The following CDH8 variants were observed in gnomAD, a reference collection of about 807,000 sequenced individuals.
The protein encoded by CDH8 is cadherin-8.
CDH8 carries 17 observed loss-of-function variants against 68.1 expected under a neutral mutation model. The ratio of observed to expected loss-of-function variants is 0.25; its 90% CI spans 0.17 to 0.37. The LOEUF (loss-of-function observed/expected upper bound fraction) is 0.37. Ranked by LOEUF, CDH8 falls within the 10% of genes least tolerant of loss-of-function variation. CDH8 has a pLI of 1.00. For synonymous variants in CDH8, 372 were observed against 365.1 expected (o/e 1.02, Z -0.21); for missense variants, 763 against 999.3 (o/e 0.76, Z 3.19).
chr16:61,794,378 C>T (rs937826906), intron 7 of CDH8, among the ~76,000 whole-genome samples: 1 of 151,870 alleles, frequency 6.6e-6, no homozygotes, highest in African/African-American at 2.4e-5. Flanking sequence ...ATTACTGTTC[C>T]CTGATCTGTA....
At chr16:61,969,154 A>T (rs531599238) in intron 2 of CDH8, among the ~76,000 whole-genome samples, 1 of 152,316 alleles carries the variant, frequency 6.6e-6, no homozygotes, top group Admixed American at 6.5e-5. Context: ...CTTTCCCCTT[A>T]TATGGGCAAT....
intron 11 of CDH8, among the ~76,000 whole-genome samples, chr16:61,654,689 T>C (rs1051688045): frequency 1.3e-5 from 2 of 152,150 alleles, no homozygotes; most frequent in Admixed American, 6.5e-5. Flanking sequence ...CATACCCAAC[T>C]AGTCAGATGG....
At chr16:61,810,746 G>A (rs977444359) in intron 7 of CDH8, among the ~76,000 whole-genome samples, 5 of 152,112 alleles carry the variant, frequency 3.3e-5, no homozygotes, top group Admixed American at 2.6e-4. Context: ...AGATAAGGCT[G>A]AGAGCAGTAG....
In CDH8 at chr16:61,845,674, A is replaced by T. The variant is rs373604094; in HGVS notation, c.667+11445T>A. Among the ~76,000 whole-genome samples the T allele has an allele frequency of 2.1e-4, 32 of 152,178 alleles. No homozygotes were observed. The South Asian group carries it at 6.6e-3, about 32-fold the overall frequency. ...TCATAATAAAACTATCACACTTAAG[A>T]TTCTGAATGGCAAATTACACATAAT... On this transcript the variant is annotated intron_variant, in intron 4 of 11. Coordinates refer to ENST00000577390, the MANE Select transcript of CDH8 (RefSeq NM_001796.5).
chr16:61,990,819 G>A (rs184950428), intron 2 of CDH8, among the ~76,000 whole-genome samples: 3 of 139,628 alleles, frequency 2.1e-5, no homozygotes, highest in East Asian at 5.2e-4. Context: ...TTGAGACCCC[G>A]TCTTTAATAA....
intron 8 of CDH8, among the ~76,000 whole-genome samples, chr16:61,745,995 T>A (rs1960011752): frequency 6.6e-6 from 1 of 152,126 alleles, no homozygotes; most frequent in Non-Finnish European, 1.5e-5. Flanking sequence ...TTGATACCAC[T>A]AAGACCGGAT....
At chr16:61,819,417 A>G (rs1190859435) in intron 6 of CDH8, among the ~76,000 whole-genome samples, 1 of 152,068 alleles carries the variant, frequency 6.6e-6, no homozygotes, top group Non-Finnish European at 1.5e-5. Flanking sequence ...TAAAAATGAC[A>G]TTAGGAATCA....
In CDH8 at chr16:61,647,832, G is replaced by A. The variant is rs1350908847; in HGVS notation, c.*5776C>T. On this transcript the variant is annotated 3_prime_UTR_variant, in exon 12 of 12. Coordinates refer to ENST00000577390, the MANE Select transcript of CDH8 (RefSeq NM_001796.5). ...TTCATTGAAGCCATGGTTTTCCACAGTCTTTCTCTTCAGACAGCATCTTGT... is the reference window on the plus strand; with the variant it reads ...TTCATTGAAGCCATGGTTTTCCACAATCTTTCTCTTCAGACAGCATCTTGT... 2.9e-6 allele frequency: 2 copies of A among 699,862 alleles called. No homozygotes were observed. The highest frequency in any genetic ancestry group is 5.2e-6 in the Non-Finnish European group (2 of 382,990). 43.4% of individuals were successfully genotyped at this position (699,862 alleles called of 1,614,324 possible).
At chr16:61,780,537 C>A (rs1455103349) in intron 8 of CDH8, among the ~76,000 whole-genome samples, 1 of 152,214 alleles carries the variant, frequency 6.6e-6, no homozygotes, top group African/African-American at 2.4e-5. Flanking sequence ...GATGAGATAG[C>A]ATTCTGAGAG....
intron 3 of CDH8, among the ~76,000 whole-genome samples, chr16:61,892,494 T>C (rs1963795601): frequency 6.6e-6 from 1 of 152,200 alleles, no homozygotes; most frequent in Non-Finnish European, 1.5e-5. Flanking sequence ...TCACTTTCTT[T>C]AATTTGGTGT....
intron 2 of CDH8, among the ~76,000 whole-genome samples, chr16:61,930,485 G>A (rs1221284781): frequency 6.6e-6 from 1 of 152,124 alleles, no homozygotes; most frequent in Non-Finnish European, 1.5e-5. Context: ...ACTACAACTA[G>A]ATGGCCTATT....
chr16:61,930,695 T>C (rs756272808), intron 2 of CDH8, among the ~76,000 whole-genome samples: 4 of 152,316 alleles, frequency 2.6e-5, no homozygotes, highest in Admixed American at 6.5e-5. Flanking sequence ...CATAAACTCT[T>C]TTTCAGTCCT....
intron 3 of CDH8, among the ~76,000 whole-genome samples, chr16:61,859,775 C>G (rs1179809848): frequency 1.3e-5 from 2 of 152,134 alleles, no homozygotes; most frequent in Non-Finnish European, 2.9e-5. Context: ...TCAGGTGTTG[C>G]TAACATAACA....
chr16:61,853,069 C>T (rs1223548325), intron 4 of CDH8, among the ~76,000 whole-genome samples: 2 of 151,938 alleles, frequency 1.3e-5, no homozygotes, highest in Non-Finnish European at 2.9e-5. Context: ...TGGTAATTAA[C>T]TTAAAAAATA....
At chr16:61,679,978 T>A (rs1360079920) in intron 10 of CDH8, among the ~76,000 whole-genome samples, 1 of 152,036 alleles carries the variant, frequency 6.6e-6, no homozygotes, top group Non-Finnish European at 1.5e-5. Flanking sequence ...GAATTTTGTG[T>A]TCTGTGAATA....
In CDH8 at chr16:61,857,082, A is replaced by C. The variant is rs1338495272; in HGVS notation, c.667+37T>G. On this transcript the variant is annotated intron_variant, in intron 4 of 11. Coordinates refer to ENST00000577390, the MANE Select transcript of CDH8 (RefSeq NM_001796.5). ...AAGAAAAGCATTTCCCTGAAGCAAAAACATGGCAAATATAATTCGAAATTT... is the reference window on the plus strand; with the variant it reads ...AAGAAAAGCATTTCCCTGAAGCAAACACATGGCAAATATAATTCGAAATTT... 3.7e-6 allele frequency: 6 copies of C among 1,611,376 alleles called. No homozygotes were observed. In the African/African-American group the frequency reaches 8.0e-5, roughly 22 times the overall value.
intron 7 of CDH8, among the ~76,000 whole-genome samples, chr16:61,806,592 C>T (rs1254929446): frequency 5.9e-5 from 8 of 136,136 alleles, no homozygotes; most frequent in Admixed American, 1.5e-4. Context: ...GGCTAATATC[C>T]GGAATCTACA....
chr16:61,863,114 C>G (rs1043271555), intron 3 of CDH8, among the ~76,000 whole-genome samples: 6 of 152,154 alleles, frequency 3.9e-5, no homozygotes, highest in Admixed American at 2.6e-4. Flanking sequence ...CTGCTAGTAT[C>G]AAGCCGAGTA....
At chr16:61,989,940 A>G (rs1046077995) in intron 2 of CDH8, among the ~76,000 whole-genome samples, 2 of 152,168 alleles carry the variant, frequency 1.3e-5, no homozygotes, top group Admixed American at 1.3e-4. Context: ...CTAATACTCT[A>G]AAAAGTAAAT....
Sources: gnomAD v4.1 joint callset for allele counts (sites outside exome capture counted in the v4.1 genomes callset) on GRCh38, gnomAD v4.1.1 for gene constraint, MANE v1.5 for transcripts, NCBI Gene and HGNC (gene_info 2026-07-23, HGNC 2026-07-21) for gene names.